The following CCBE1 variants were observed in gnomAD, a reference collection of about 807,000 sequenced individuals.
CCBE1 encodes collagen and calcium binding EGF domains 1.
A neutral mutation model predicts 50.0 loss-of-function variants in CCBE1; 37 were observed. The observed-to-expected ratio is 0.74, with a 90% CI of 0.57 to 0.97. The LOEUF (loss-of-function observed/expected upper bound fraction) is 0.97, where lower values mean the gene tolerates loss of function less well. Among genes scored for constraint, CCBE1 ranks in the 50% least tolerant of loss-of-function variants. The pLI, the probability that CCBE1 is intolerant of heterozygous loss-of-function variation, is 0.00. For synonymous variants in CCBE1, 234 were observed against 203.7 expected (o/e 1.15, Z -1.27); for missense variants, 538 against 523.8 (o/e 1.03, Z -0.26).
rs571975012 is a variant in CCBE1, at chr18:59,495,630, A to G, written c.213-15392T>C. Among the ~76,000 whole-genome samples the G allele has an allele frequency of 4.2e-3, 624 of 149,828 alleles. 6 individuals carry two copies. Among genetic ancestry groups the G allele is most frequent in the South Asian group, 0.021 (101 of 4,726 alleles). ...TGCCTTTTTTTTTTTTTTTTAAGAA[A>G]CTTGTCTTGGTCATTCCACACATTG... On this transcript the variant is annotated intron_variant, in intron 2 of 10. Transcript: ENST00000439986.
intron 2 of CCBE1, among the ~76,000 whole-genome samples, chr18:59,601,358 T>C (rs2053430722): frequency 6.6e-6 from 1 of 152,090 alleles, no homozygotes; most frequent in African/African-American, 2.4e-5. Flanking sequence ...GCTGTTCTCA[T>C]GACAGTAAGT....
intron 2 of CCBE1, among the ~76,000 whole-genome samples, chr18:59,577,900 G>A (rs1229964887): frequency 6.6e-6 from 1 of 151,960 alleles, no homozygotes; most frequent in Non-Finnish European, 1.5e-5. Flanking sequence ...CATAGACATG[G>A]GCAAAGACTT....
intron 2 of CCBE1, among the ~76,000 whole-genome samples, chr18:59,519,879 T>A (rs905400503): frequency 1.3e-5 from 2 of 152,216 alleles, no homozygotes; most frequent in African/African-American, 4.8e-5. Flanking sequence ...CAGTTTCAGT[T>A]TTCTGCATAT....
chr18:59,531,850 A>G (rs1568190605), intron 2 of CCBE1, among the ~76,000 whole-genome samples: 1 of 152,194 alleles, frequency 6.6e-6, no homozygotes, highest in Non-Finnish European at 1.5e-5. Flanking sequence ...GGGGGTGGGA[A>G]AGGTACTCAA....
chr18:59,678,484 T>A (rs2054539424), intron 2 of CCBE1, among the ~76,000 whole-genome samples: 1 of 152,196 alleles, frequency 6.6e-6, no homozygotes, highest in African/African-American at 2.4e-5. Flanking sequence ...ACAGACAGAC[T>A]ATGACTAGAT....
chr18:59,522,993 C>CAAA (rs57217059), intron 2 of CCBE1, among the ~76,000 whole-genome samples: 6,576 of 88,910 alleles, frequency 0.074, 501 homozygotes, highest in Non-Finnish European at 0.091. Flanking sequence ...GACTCTGTTT[C>CAAA]AAAAAAAAAA....
At chr18:59,644,020 C>A (rs149545263) in intron 2 of CCBE1, among the ~76,000 whole-genome samples, 1 of 152,170 alleles carries the variant, frequency 6.6e-6, no homozygotes, top group Admixed American at 6.5e-5. Context: ...TGGTCCCCAA[C>A]CTTTTTGGTA....
intron 7 of CCBE1, among the ~76,000 whole-genome samples, chr18:59,447,463 A>T (rs1910729457): frequency 3.3e-5 from 5 of 152,254 alleles, no homozygotes. Flanking sequence ...AGTACATTAC[A>T]TGTCATTTGT....
chr18:59,690,355 C>T lies in CCBE1; in HGVS notation c.212+6274G>A, dbSNP rs572224674. ...GTTATAGCTGTTTACTTTTTCATCC[C>T]GCAAATAAAAGCAATAATCTAAAAC... On this transcript the variant is annotated intron_variant, in intron 2 of 10. Coordinates refer to ENST00000439986, the MANE Select transcript of CCBE1 (RefSeq NM_133459.4). 1.2e-4 allele frequency among the ~76,000 whole-genome samples: 19 copies of T among 152,208 alleles called. 1 individual carries two copies. In the South Asian group the frequency reaches 3.3e-3, roughly 27 times the overall value.
chr18:59,469,359 T>TA, intron 4 of CCBE1, 114 bp downstream of exon 4: 1 of 1,381,192 alleles, frequency 7.2e-7, no homozygotes, highest in Non-Finnish European at 1.0e-6. Context: ...CCTAGGATAA[T>TA]ATCAAACACA....
intron 5 of CCBE1, among the ~76,000 whole-genome samples, chr18:59,466,167 C>G (rs996015512): frequency 6.6e-6 from 1 of 151,922 alleles, no homozygotes; most frequent in Non-Finnish European, 1.5e-5. Flanking sequence ...TTAGCTGTGT[C>G]CCCACCCAAA....
intron 2 of CCBE1, among the ~76,000 whole-genome samples, chr18:59,614,666 C>T (rs374175444): frequency 2.6e-5 from 4 of 152,204 alleles, no homozygotes; most frequent in East Asian, 3.8e-4. Flanking sequence ...CTAGTCTAAA[C>T]GCTGATTGAA....
chr18:59,462,130 T>C (rs1179561174), intron 5 of CCBE1, among the ~76,000 whole-genome samples: 2 of 152,206 alleles, frequency 1.3e-5, no homozygotes, highest in Non-Finnish European at 2.9e-5. Flanking sequence ...TCCCTCATTA[T>C]AGTCACTTGT....
intron 2 of CCBE1, among the ~76,000 whole-genome samples, chr18:59,686,714 T>A (rs1010271609): frequency 2.6e-5 from 4 of 152,202 alleles, no homozygotes; most frequent in African/African-American, 9.7e-5. Context: ...CACTTCCTCC[T>A]TTTTCAGCTG....
intron 2 of CCBE1, among the ~76,000 whole-genome samples, chr18:59,524,141 T>C (rs1453711289): frequency 6.6e-6 from 1 of 152,172 alleles, no homozygotes; most frequent in African/African-American, 2.4e-5. Context: ...ACCAACATCA[T>C]GAAACTGCGT....
chr18:59,692,215 G>T (rs1366176172), intron 2 of CCBE1, among the ~76,000 whole-genome samples: 1 of 152,182 alleles, frequency 6.6e-6, no homozygotes, highest in Admixed American at 6.5e-5. Flanking sequence ...GACTTGGCAA[G>T]ATGTAGTGAT....
chr18:59,438,018 C>A, intron 10 of CCBE1, 93 bp downstream of exon 10: 1 of 1,241,280 alleles, frequency 8.1e-7, no homozygotes, highest in Non-Finnish European at 1.2e-6. Context: ...CAGGAAGGGG[C>A]GGGCTTTTGC....
At chr18:59,591,245 CAAAAAAAAAAAAAAAAAAAAAAAAA>C (rs58325003) in intron 2 of CCBE1, among the ~76,000 whole-genome samples, 23 of 2,118 alleles carry the variant, frequency 0.011, 2 homozygotes, top group East Asian at 0.05. Flanking sequence ...GACTCCGTCT[CAAAAAAAAAAAAAAAAAAAAAAAAA>C]AAAAAAAAAA....
At chr18:59,508,710 G>GTT (rs1568177680) in intron 2 of CCBE1, among the ~76,000 whole-genome samples, 2 of 99,408 alleles carry the variant, frequency 2.0e-5, no homozygotes, top group African/African-American at 4.5e-5. Flanking sequence ...ATAGAGTTAC[G>GTT]CTTTTTTTTT....
Sources: gnomAD v4.1 joint callset for allele counts (sites outside exome capture counted in the v4.1 genomes callset) on GRCh38, gnomAD v4.1.1 for gene constraint, MANE v1.5 for transcripts, NCBI Gene and HGNC (gene_info 2026-07-23, HGNC 2026-07-21) for gene names.